Variants in PUDP observed in about 807,000 individuals in gnomAD.
PUDP encodes pseudouridine 5'-phosphatase, also known as pseudouridine-5'-phosphatase.
In PUDP, 8 loss-of-function variants were observed where a neutral mutation model predicts 9.4. The ratio of observed to expected loss-of-function variants is 0.85; its 90% CI spans 0.50 to 1.53. PUDP has a LOEUF of 1.53. Among genes scored for constraint, PUDP ranks in the 40% most tolerant of loss-of-function variants. PUDP has a pLI of 0.00. For missense variants in PUDP, 188 were observed against 189.7 expected, an observed-to-expected ratio of 0.99 and a Z score of 0.05; for synonymous variants, 99 against 80.7, an observed-to-expected ratio of 1.23 and a Z score of -1.22.
intron 3 of PUDP, among the ~76,000 whole-genome samples, chrX:6,812,419 G>A (rs1327931164): frequency 8.9e-6 from 1 of 111,949 alleles, no homozygotes; most frequent in African/African-American, 3.2e-5. Context: ...CCATTGTTAT[G>A]CAAATTACCT....
intron 3 of PUDP, among the ~76,000 whole-genome samples, chrX:6,823,415 C>T (rs5989579): frequency 0.26 from 28,179 of 110,460 alleles, 2,818 homozygotes; most frequent in African/African-American, 0.35. Context: ...ACTCTGACAC[C>T]TTTACATTTA....
At chrX:6,910,824 A>T (rs1336132163) in intron 3 of PUDP, among the ~76,000 whole-genome samples, 1 of 112,143 alleles carries the variant, frequency 8.9e-6, no homozygotes, top group Non-Finnish European at 1.9e-5. Context: ...TGGAGACTGG[A>T]AAGTTCAAGA....
rs1319378019 is a variant in PUDP at position 7,034,635 on chromosome X, T to A, written c.204+42585A>T. Among the ~76,000 whole-genome samples the A allele has an allele frequency of 2.7e-5, 3 of 111,949 alleles. No homozygotes were observed. The East Asian group carries it at 8.4e-4, about 31-fold the overall frequency. ...GTATGTATATATGTATGTATCTATC[T>A]TCATCATCATCATAATTATCCATCT... On this transcript the variant is annotated intron_variant and NMD_transcript_variant, in intron 1 of 3. Coordinates refer to the PUDP transcript ENST00000655425.
At chrX:6,946,971 G>GTTTT (rs58707505) in intron 3 of PUDP, among the ~76,000 whole-genome samples, 2 of 82,733 alleles carry the variant, frequency 2.4e-5, no homozygotes, top group Admixed American at 1.7e-4. Context: ...TATATTGTCT[G>GTTTT]TTTTTTTTTG....
chrX:7,122,246 T>C (rs939561015), intron 1 of PUDP, among the ~76,000 whole-genome samples: 2 of 108,608 alleles, frequency 1.8e-5, no homozygotes, highest in Non-Finnish European at 1.9e-5. Flanking sequence ...TGTGTGTGTT[T>C]ACATTCATTT....
At chrX:7,016,882 G>A (rs1929557186) in intron 1 of PUDP, among the ~76,000 whole-genome samples, 1 of 111,169 alleles carries the variant, frequency 9.0e-6, no homozygotes. Context: ...CATGGGTCCA[G>A]GATATTGTTT....
intron 1 of PUDP, among the ~76,000 whole-genome samples, chrX:7,137,038 G>A (rs1187649804): frequency 9.0e-6 from 1 of 111,320 alleles, no homozygotes; most frequent in African/African-American, 3.3e-5. Context: ...TCAGGAGTTC[G>A]AGACCTGCCT....
chrX:7,064,944 G>A (rs1474758647), intron 3 of PUDP, among the ~76,000 whole-genome samples: 4 of 111,798 alleles, frequency 3.6e-5, no homozygotes, highest in African/African-American at 1.3e-4. Context: ...TAACTCTTAA[G>A]AAACTATCAC....
At chrX:6,730,760 A>T (rs1924799628) in intron 3 of PUDP, among the ~76,000 whole-genome samples, 1 of 112,086 alleles carries the variant, frequency 8.9e-6, no homozygotes, top group Non-Finnish European at 1.9e-5. Context: ...AGAGCTGAAG[A>T]CTTGAGTAGA....
chrX:6,732,066 T>C (rs1924816097), intron 3 of PUDP, among the ~76,000 whole-genome samples: 1 of 111,897 alleles, frequency 8.9e-6, no homozygotes, highest in Admixed American at 9.5e-5. Flanking sequence ...TGGGAATAGT[T>C]TGATCCCTTT....
intron 3 of PUDP, among the ~76,000 whole-genome samples, chrX:6,822,592 A>G (rs1240696565): frequency 9.0e-6 from 1 of 110,915 alleles, no homozygotes; most frequent in Non-Finnish European, 1.9e-5. Flanking sequence ...ATGCCTGGCT[A>G]ATTTTTGTAT....
chrX:6,756,237 T>C (rs891876400), intron 3 of PUDP, among the ~76,000 whole-genome samples: 2 of 111,340 alleles, frequency 1.8e-5, no homozygotes, highest in African/African-American at 6.5e-5. Flanking sequence ...AGGTCTATAC[T>C]CAATAGAAAT....
At chrX:6,970,745 T>C (rs184571084) in intron 3 of PUDP, among the ~76,000 whole-genome samples, 1 of 111,781 alleles carries the variant, frequency 8.9e-6, no homozygotes, top group East Asian at 2.8e-4. Flanking sequence ...AAGAGAGGAC[T>C]GCCTGTATGA....
chrX:6,895,459 T>C (rs1011938398), intron 3 of PUDP, among the ~76,000 whole-genome samples: 2 of 107,959 alleles, frequency 1.9e-5, no homozygotes, highest in East Asian at 5.6e-4. Context: ...ATATTAGTAA[T>C]ATAGTAATTA....
intron 3 of PUDP, among the ~76,000 whole-genome samples, chrX:6,788,412 T>C (rs1019007183): frequency 1.3e-4 from 14 of 111,831 alleles, no homozygotes; most frequent in African/African-American, 4.6e-4. Context: ...CCATCATAAG[T>C]TGAGAAGGGG....
intron 3 of PUDP, among the ~76,000 whole-genome samples, chrX:6,908,645 G>A (rs1206609199): frequency 4.5e-5 from 5 of 111,394 alleles, no homozygotes; most frequent in Non-Finnish European, 7.5e-5. Context: ...GAACCTTGGT[G>A]TCGAGTCTTC....
At chrX:7,135,364 C>T (rs757975450) in intron 1 of PUDP, among the ~76,000 whole-genome samples, 8 of 112,189 alleles carry the variant, frequency 7.1e-5, no homozygotes, top group Non-Finnish European at 1.5e-4. Flanking sequence ...GCATCATGCC[C>T]TGACAAACTA....
chrX:6,946,877 G>C (rs1602685258), intron 3 of PUDP, among the ~76,000 whole-genome samples: 3 of 111,664 alleles, frequency 2.7e-5, no homozygotes, highest in African/African-American at 9.8e-5. Context: ...TGTTCTTTAT[G>C]CTTATAGGTA....
intron 2 of PUDP, among the ~76,000 whole-genome samples, chrX:7,082,017 G>A (rs769138708): frequency 8.9e-6 from 1 of 112,374 alleles, no homozygotes; most frequent in Non-Finnish European, 1.9e-5. Flanking sequence ...AGTAAAAGAC[G>A]AAAAAATGCA....
Sources: allele counts gnomAD v4.1 joint callset (sites outside exome capture counted in the v4.1 genomes callset), GRCh38; gene constraint gnomAD v4.1.1; transcripts MANE v1.5; gene names NCBI Gene and HGNC (gene_info 2026-07-23, HGNC 2026-07-21).